ADAMTS12: variants seen among roughly 807,000 people sequenced by gnomAD.
ADAMTS12 encodes the protein ADAM metallopeptidase with thrombospondin type 1 motif 12.
ADAMTS12 carries 118 observed loss-of-function variants against 167.8 expected under a neutral mutation model. The ratio of observed to expected loss-of-function variants is 0.70; its 90% CI spans 0.61 to 0.82. ADAMTS12 has a LOEUF of 0.82. Among genes scored for constraint, ADAMTS12 ranks in the 40% least tolerant of loss-of-function variants. The pLI is 0.00. For synonymous variants in ADAMTS12, 704 were observed against 716.9 expected, an observed-to-expected ratio of 0.98 and a Z score of 0.29; for missense variants, 1,916 against 1,998.8, an observed-to-expected ratio of 0.96 and a Z score of 0.79.
chr5:33,742,754 C>CTCATTCATTCATTCAT (rs796449776), intron 3 of ADAMTS12, among the ~76,000 whole-genome samples: 8 of 152,190 alleles, frequency 5.3e-5, no homozygotes, highest in African/African-American at 1.9e-4. Flanking sequence ...CACTCATTTA[C>CTCATTCATTCATTCAT]TCATTCATTC....
intron 23 of ADAMTS12, among the ~76,000 whole-genome samples, chr5:33,529,120 G>A (rs1561102227): frequency 6.6e-6 from 1 of 152,184 alleles, no homozygotes; most frequent in Admixed American, 6.5e-5. Flanking sequence ...TGTGATCCCC[G>A]CCCTGCAGAA....
chr5:33,754,303 G>C (rs1185850156), intron 2 of ADAMTS12, among the ~76,000 whole-genome samples: 1 of 152,170 alleles, frequency 6.6e-6, no homozygotes, highest in East Asian at 1.9e-4. Context: ...TTTGCAACCT[G>C]CCCACTTCTC....
At chr5:33,623,691 G>A (rs1739439379) in intron 14 of ADAMTS12, among the ~76,000 whole-genome samples, 1 of 152,230 alleles carries the variant, frequency 6.6e-6, no homozygotes, top group African/African-American at 2.4e-5. Context: ...CCCTCCCAGG[G>A]AGCAATTGGG....
At chr5:33,581,063 C>T (rs532852235) in intron 18 of ADAMTS12, among the ~76,000 whole-genome samples, 2 of 152,208 alleles carry the variant, frequency 1.3e-5, no homozygotes, top group Non-Finnish European at 2.9e-5. Flanking sequence ...TACGAACTTG[C>T]CTTTTCTCCT....
In ADAMTS12 at chr5:33,527,002, G is replaced by A. The variant is rs1339228746; in HGVS notation, c.*186C>T. 12 of 681,506 alleles carry A rather than the reference G, an allele frequency of 1.8e-5. No individual in the cohort carries two copies. The highest frequency in any genetic ancestry group is 2.4e-5 in the Non-Finnish European group (10 of 417,544). 42.2% of individuals were successfully genotyped at this position (681,506 alleles called of 1,614,324 possible). A position where few individuals can be genotyped will look rare whatever the true frequency, so the allele number is the denominator to read the frequency against. On this transcript the variant is annotated 3_prime_UTR_variant, in exon 24 of 24. Coordinates refer to ENST00000504830, the MANE Select transcript of ADAMTS12 (RefSeq NM_030955.4). ...CTTCCTATCAGGGAGCAGCAAGTACGGCAGCCTAGGCCTCCTGTGAGGGAC... is the reference window on the plus strand; with the variant it reads ...CTTCCTATCAGGGAGCAGCAAGTACAGCAGCCTAGGCCTCCTGTGAGGGAC...
At chr5:33,672,096 C>T (rs1200371944) in intron 5 of ADAMTS12, among the ~76,000 whole-genome samples, 3 of 2,078 alleles carry the variant, frequency 1.4e-3, no homozygotes, top group Non-Finnish European at 6.6e-3. Flanking sequence ...CACACATCCA[C>T]ACTCACATCC....
chr5:33,621,399 C>CAAAAAAAAAAAAAAAAAAAAAAAAAA, intron 14 of ADAMTS12, among the ~76,000 whole-genome samples: 2 of 82,118 alleles, frequency 2.4e-5, no homozygotes, highest in Non-Finnish European at 2.5e-5. Flanking sequence ...GACTCCATCT[C>CAAAAAAAAAAAAAAAAAAAAAAAAAA]AAAAAAAAAA....
chr5:33,666,264 C>T lies in ADAMTS12; in HGVS notation c.916-4224G>A, dbSNP rs151015403. Among the ~76,000 whole-genome samples, 8 of 152,312 alleles carry T rather than the reference C, an allele frequency of 5.3e-5. No individual in the cohort carries two copies. The East Asian group carries it at 1.5e-3, about 29-fold the overall frequency. ...GGCCAGAAAAACTACAACCACCTGC[C>T]GACATCATGTGGTCTATATTGTATT... On this transcript the variant is annotated intron_variant, in intron 5 of 23. Coordinates refer to ENST00000504830, the MANE Select transcript of ADAMTS12 (RefSeq NM_030955.4).
chr5:33,827,697 T>C (rs1748133161), intron 2 of ADAMTS12, among the ~76,000 whole-genome samples: 1 of 147,436 alleles, frequency 6.8e-6, no homozygotes, highest in African/African-American at 2.5e-5. Context: ...GGATATGTCC[T>C]TGGAGAAAAC....
chr5:33,891,591 G>T, intron 1 of ADAMTS12, 139 bp downstream of exon 1: 2 of 1,308,950 alleles, frequency 1.5e-6, no homozygotes, highest in Non-Finnish European at 2.1e-6. Context: ...TGAGGTCCCA[G>T]CCCAGATTTC....
chr5:33,666,882 G>A (rs1383080846), intron 5 of ADAMTS12, among the ~76,000 whole-genome samples: 1 of 152,122 alleles, frequency 6.6e-6, no homozygotes, highest in Non-Finnish European at 1.5e-5. Context: ...ATATATGTGA[G>A]TCCCAGTGAG....
At chr5:33,759,287 G>A (rs1278769199) in intron 2 of ADAMTS12, among the ~76,000 whole-genome samples, 1 of 152,200 alleles carries the variant, frequency 6.6e-6, no homozygotes, top group Admixed American at 6.5e-5. Flanking sequence ...TAGACGCCAG[G>A]TCCTGGCCTC....
At chr5:33,761,909 G>A (rs1219840787) in intron 2 of ADAMTS12, among the ~76,000 whole-genome samples, 1 of 152,176 alleles carries the variant, frequency 6.6e-6, no homozygotes, top group Non-Finnish European at 1.5e-5. Context: ...AAGAAACAAG[G>A]GGGCCGGGCA....
chr5:33,546,061 G>C lies in ADAMTS12; in HGVS notation c.4444C>G (p.Leu1482Val). ...AAGTATGTATAACCAAGTCTTACCAGGTCCCAGTTCCCAGTGGCCCAGTGA... is the reference window on the plus strand; with the variant it reads ...AAGTATGTATAACCAAGTCTTACCACGTCCCAGTTCCCAGTGGCCCAGTGA... Reference protein sequence around the residue: ...CCHWATGNWDLCSTSCGGGFQ... With the variant: ...CCHWATGNWDVCSTSCGGGFQ... The change falls in exon 22 of 24, where the codon CTG (leucine) becomes GTG (valine). Residue 1482 changes from leucine to valine, a missense_variant and splice_region_variant. Leu to Val is a conservative substitution (Grantham distance 32). Transcript: ENST00000504830. The C allele has an allele frequency of 6.2e-7, 1 of 1,608,302 alleles. No individual in the cohort carries two copies. Among genetic ancestry groups the C allele is most frequent in the African/African-American group, 1.3e-5 (1 of 74,488 alleles).
chr5:33,585,795 G>A (rs531342620), intron 18 of ADAMTS12, among the ~76,000 whole-genome samples: 257 of 152,296 alleles, frequency 1.7e-3, no homozygotes, highest in Non-Finnish European at 3.0e-3. Flanking sequence ...GGTCACAGGG[G>A]GCAGGAAAGC....
intron 13 of ADAMTS12, among the ~76,000 whole-genome samples, chr5:33,625,849 T>C (rs1333420918): frequency 6.6e-6 from 1 of 152,136 alleles, no homozygotes; most frequent in African/African-American, 2.4e-5. Context: ...CAACAAAAGG[T>C]CTATGAAGAC....
rs1024731478 is a variant in ADAMTS12 at position 33,562,518 on chromosome 5, A to G, written c.3973-1339T>C. ...GATGAGCAAAACAAAGTGCTGAACT[A>G]AAAAAAAAAGACAGGGTGGAAGTTC... On this transcript the variant is annotated intron_variant, in intron 19 of 23. Coordinates refer to ENST00000504830, the MANE Select transcript of ADAMTS12 (RefSeq NM_030955.4). Among the ~76,000 whole-genome samples the G allele has an allele frequency of 4.0e-5, 6 of 148,750 alleles. No individual in the cohort carries two copies. In the South Asian group the frequency reaches 1.1e-3, roughly 27 times the overall value.
At chr5:33,639,129 C>G (rs1410576393) in intron 11 of ADAMTS12, among the ~76,000 whole-genome samples, 1 of 152,146 alleles carries the variant, frequency 6.6e-6, no homozygotes, top group Non-Finnish European at 1.5e-5. Context: ...TTTTATCTCA[C>G]AAGTTGTATT....
rs116167613 is a variant in ADAMTS12 at position 33,800,852 on chromosome 5, T to C, written c.490-49304A>G. On this transcript the variant is annotated intron_variant, in intron 2 of 23. Coordinates refer to ENST00000504830, the MANE Select transcript of ADAMTS12 (RefSeq NM_030955.4). ...GGTTGCTTGAATAACGGTATCTATGTCCTAATCCCTGGATCCTGTGCATGT... is the reference window on the plus strand; with the variant it reads ...GGTTGCTTGAATAACGGTATCTATGCCCTAATCCCTGGATCCTGTGCATGT... 1.8e-3 allele frequency among the ~76,000 whole-genome samples: 273 copies of C among 152,322 alleles called. 1 individual carries two copies. Among genetic ancestry groups the C allele is most frequent in the African/African-American group, 6.2e-3 (258 of 41,572 alleles).
Sources: allele counts gnomAD v4.1 joint callset (sites outside exome capture counted in the v4.1 genomes callset), GRCh38; gene constraint gnomAD v4.1.1; transcripts MANE v1.5; gene names NCBI Gene and HGNC (gene_info 2026-07-23, HGNC 2026-07-21).